PFKP: variants seen among roughly 807,000 people sequenced by gnomAD.
The protein encoded by PFKP is ATP-dependent 6-phosphofructokinase, platelet type.
PFKP carries 101 observed loss-of-function variants against 94.3 expected under a neutral mutation model. The observed-to-expected ratio is 1.07, with a 90% CI of 0.91 to 1.26. The LOEUF (loss-of-function observed/expected upper bound fraction) is 1.26, where lower values mean the gene tolerates loss of function less well. Ranked by LOEUF, PFKP falls within the 50% of genes most tolerant of loss-of-function variation. The pLI, the probability that PFKP is intolerant of heterozygous loss-of-function variation, is 0.00. For missense variants in PFKP, 1,145 were observed against 1,103.3 expected, an observed-to-expected ratio of 1.04 and a Z score of -0.53; for synonymous variants, 573 against 432.6, an observed-to-expected ratio of 1.32 and a Z score of -4.03.
intron 13 of PFKP, among the ~76,000 whole-genome samples, chr10:3,116,535 C>T (rs1479331037): frequency 6.6e-6 from 1 of 152,150 alleles, no homozygotes; most frequent in Non-Finnish European, 1.5e-5. Flanking sequence ...CAGGATGAGA[C>T]ACAGAGGCCC....
chr10:3,114,395 C>A (rs1361388441), intron 13 of PFKP, among the ~76,000 whole-genome samples: 1 of 152,182 alleles, frequency 6.6e-6, no homozygotes, highest in Admixed American at 6.5e-5. Context: ...GGTGACCCAC[C>A]CACCTTGGCC....
At chr10:3,092,091 C>T (rs892998201) in intron 2 of PFKP, among the ~76,000 whole-genome samples, 1 of 152,092 alleles carries the variant, frequency 6.6e-6, no homozygotes, top group Non-Finnish European at 1.5e-5. Context: ...GCCACCTGAC[C>T]CCCGCCACCG....
intron 19 of PFKP, among the ~76,000 whole-genome samples, chr10:3,133,526 G>A (rs1218773255): frequency 1.3e-5 from 2 of 152,198 alleles, no homozygotes; most frequent in Non-Finnish European, 2.9e-5. Context: ...CACCTTCCAG[G>A]TTCAAGTGAT....
At chr10:3,105,048 A>G (rs1835397601) in intron 5 of PFKP, 67 bp from the exon 6 acceptor site, 2 of 1,455,626 alleles carry the variant, frequency 1.4e-6, no homozygotes, top group South Asian at 2.3e-5. Flanking sequence ...TCCAGGACTG[A>G]GTGGGTGCTC....
intron 16 of PFKP, among the ~76,000 whole-genome samples, chr10:3,122,521 T>G (rs1391608758): frequency 6.6e-6 from 1 of 152,356 alleles, no homozygotes; most frequent in South Asian, 2.1e-4. Flanking sequence ...TGGGCTCGTC[T>G]GGCCATAGAA....
intron 1 of PFKP, chr10:3,068,589 C>G (rs539691067): frequency 2.4e-6 from 2 of 836,598 alleles, no homozygotes; most frequent in Non-Finnish European, 2.9e-6. Flanking sequence ...AGGAGGGGCC[C>G]GAGGCTGGGC....
chr10:3,136,702 T>G lies in PFKP; in HGVS notation c.*123T>G. 1 of 1,019,722 alleles carries G rather than the reference T, an allele frequency of 9.8e-7. No individual in the cohort carries two copies. The highest frequency in any genetic ancestry group is 1.4e-6 in the Non-Finnish European group (1 of 693,078). The allele number at this position is 1,019,722 out of a possible 1,614,324, so 63.2% of individuals were successfully genotyped here. A position where few individuals can be genotyped will look rare whatever the true frequency, so the allele number is the denominator to read the frequency against. ...TTAATACCTAATCGGCGAGTGCCCATCTGCCCCACCTGCTCCAGTGCGTGC... is the reference window on the plus strand; with the variant it reads ...TTAATACCTAATCGGCGAGTGCCCAGCTGCCCCACCTGCTCCAGTGCGTGC... On this transcript the variant is annotated 3_prime_UTR_variant, in exon 22 of 22. Transcript: ENST00000381125.
chr10:3,086,615 T>G (rs531568956), intron 2 of PFKP, among the ~76,000 whole-genome samples: 1 of 152,054 alleles, frequency 6.6e-6, no homozygotes, highest in South Asian at 2.1e-4. Flanking sequence ...CAGACCCAAA[T>G]GTTGGTAGAA....
chr10:3,125,277 C>T (rs1564344897), intron 16 of PFKP: 4 of 1,255,408 alleles, frequency 3.2e-6, no homozygotes, highest in Non-Finnish European at 4.2e-6. Flanking sequence ...CCTCTCATTG[C>T]TTTTCCGTCA....
In PFKP at chr10:3,118,879, C is replaced by A. The variant is rs1204216843; in HGVS notation, c.1530+10C>A. 6.2e-7 allele frequency: 1 copy of A among 1,605,884 alleles called. No individual in the cohort carries two copies. Among genetic ancestry groups the A allele is most frequent in the South Asian group, 1.1e-5 (1 of 90,556 alleles). On this transcript the variant is annotated intron_variant, in intron 15 of 21. Transcript: ENST00000381125. ...CATCGGTGGATTCGAGGTACGTTAC[C>A]GTTTCTCTCTTGCCGGTCTTGCAGG...
intron 16 of PFKP, chr10:3,128,924 G>C (rs1838252772): frequency 6.6e-6 from 1 of 152,406 alleles, no homozygotes; most frequent in Non-Finnish European, 1.5e-5. Context: ...ACAGGACCTG[G>C]TGCCGGGAGC....
chr10:3,082,362 G>A, intron 1 of PFKP, 26 bp from the exon 2 acceptor site: 1 of 1,582,506 alleles, frequency 6.3e-7, no homozygotes, highest in Non-Finnish European at 8.6e-7. Context: ...GCTCTTCAGT[G>A]ACTCTTGCTC....
chr10:3,079,639 A>T (rs998963291), intron 1 of PFKP, among the ~76,000 whole-genome samples: 1 of 69,704 alleles, frequency 1.4e-5, no homozygotes, highest in Non-Finnish European at 2.9e-5. Flanking sequence ...GACCGGTGGG[A>T]ACGAGGTCTT....
chr10:3,121,808 TTTTTTTTTTTTTTTTTTTTTTTC>T (rs1837446577), intron 16 of PFKP, among the ~76,000 whole-genome samples: 1 of 72,060 alleles, frequency 1.4e-5, no homozygotes, highest in Non-Finnish European at 2.9e-5. Flanking sequence ...TTTTTCTTTT[TTTTTTTTTTTTTTTTTTTTTTTC>T]TTTTTTTGGA....
In PFKP at chr10:3,132,428, G is replaced by C. The variant is rs1456104277; in HGVS notation, c.1897G>C (p.Gly633Arg). Residue 633 changes from glycine to arginine, a missense_variant, in exon 18 of 22, where the codon GGC becomes CGC. Gly to Arg is a moderately radical substitution (Grantham distance 125). Transcript: ENST00000381125. Reference protein sequence around the residue: ...TEKMKTTIQRGLVLRNESCSE... With the variant: ...TEKMKTTIQRRLVLRNESCSE... ...GAAAATGAAGACCACCATCCAGAGA[G>C]GCCTTGTGCTCAGGTGAGAGAGAGA... The C allele has an allele frequency of 1.2e-6, 2 of 1,610,578 alleles. No individual in the cohort carries two copies. Among genetic ancestry groups the C allele is most frequent in the Non-Finnish European group, 1.7e-6 (2 of 1,176,938 alleles).
rs35454947 is a variant in PFKP, at chr10:3,079,668, G to T, written c.113-2720G>T. ...AGGTCTTCAGAGAGCGGGGTGGGGG[G>T]GGGGGGAAGAGGAGCAGGGGTGAGG... On this transcript the variant is annotated intron_variant, in intron 1 of 21. Coordinates refer to ENST00000381125, the MANE Select transcript of PFKP (RefSeq NM_002627.5). 6.3e-4 allele frequency among the ~76,000 whole-genome samples: 73 copies of T among 115,286 alleles called. 11 individuals are homozygous for T. The highest frequency in any genetic ancestry group is 7.2e-4 in the Admixed American group (8 of 11,170). The allele number at this position is 115,286 out of a possible 152,430, so 75.6% of individuals were successfully genotyped here. A position where few individuals can be genotyped will look rare whatever the true frequency, so the allele number is the denominator to read the frequency against.
chr10:3,116,954 G>A (rs951659222), intron 14 of PFKP, 108 bp downstream of exon 14: 69 of 867,652 alleles, frequency 8.0e-5, no homozygotes, highest in African/African-American at 4.1e-4. Context: ...CTGGAAAGGC[G>A]TCCCTAAGGG....
intron 20 of PFKP, among the ~76,000 whole-genome samples, chr10:3,135,286 A>G (rs192325726): frequency 3.2e-4 from 49 of 152,264 alleles, no homozygotes; most frequent in African/African-American, 1.1e-3. Flanking sequence ...GAAAAATGAC[A>G]GTCTATAAAA....
intron 2 of PFKP, 94 bp downstream of exon 2, chr10:3,082,555 T>TGAGCACAGCCGAAGAGGTGGGCAG: frequency 1.2e-6 from 1 of 829,130 alleles, no homozygotes; most frequent in East Asian, 2.8e-5. Context: ...TCCCCCATGC[T>TGAGCACAGCCGAAGAGGTGGGCAG]GAGCACAGCC....
Sources: gnomAD v4.1 joint callset for allele counts (sites outside exome capture counted in the v4.1 genomes callset) on GRCh38, gnomAD v4.1.1 for gene constraint, MANE v1.5 for transcripts, NCBI Gene and HGNC (gene_info 2026-07-23, HGNC 2026-07-21) for gene names.